The following EXOSC10 variants were observed in gnomAD, a reference collection of about 807,000 sequenced individuals.
The protein encoded by EXOSC10 is exosome component 10, also known as exosome complex component 10.
EXOSC10 carries 94 observed loss-of-function variants against 126.6 expected under a neutral mutation model. The observed-to-expected ratio is 0.74, with a 90% CI of 0.63 to 0.88. The LOEUF (loss-of-function observed/expected upper bound fraction) is 0.88. Ranked by LOEUF, EXOSC10 falls within the 40% of genes least tolerant of loss-of-function variation. The probability of loss-of-function intolerance (pLI) is 0.00; values close to 1 mark genes in which losing one functional copy is unlikely to be tolerated. For missense variants in EXOSC10, 1,041 were observed against 1,100.5 expected (o/e 0.95, Z 0.77); for synonymous variants, 395 against 400.8 (o/e 0.99, Z 0.17).
chr1:11,097,238 C>T (rs1368129361), intron 2 of EXOSC10, among the ~76,000 whole-genome samples: 1 of 150,740 alleles, frequency 6.6e-6, no homozygotes, highest in South Asian at 2.1e-4. Flanking sequence ...AAAAGCTGGT[C>T]GTGGTGGTGT....
At chr1:11,076,472 T>C (rs1388642847) in intron 17 of EXOSC10, among the ~76,000 whole-genome samples, 1 of 152,232 alleles carries the variant, frequency 6.6e-6, no homozygotes, top group Non-Finnish European at 1.5e-5. Context: ...CCACCCCTGC[T>C]GGGCATCCAG....
At chr1:11,080,410 T>A in intron 13 of EXOSC10, 89 bp downstream of exon 13, 1 of 1,500,188 alleles carries the variant, frequency 6.7e-7, no homozygotes. Flanking sequence ...GTAAGCAGCC[T>A]TGGGTAATAG....
chr1:11,078,264 C>CTTTTTT (rs1220119181), intron 14 of EXOSC10, among the ~76,000 whole-genome samples: 4 of 143,668 alleles, frequency 2.8e-5, no homozygotes, highest in African/African-American at 1.0e-4. Flanking sequence ...GACCCTGTTT[C>CTTTTTT]TTTTTTTTTT....
At chr1:11,071,142 C>CTG in intron 20 of EXOSC10, 169 bp from the exon 21 acceptor site, 1 of 605,446 alleles carries the variant, frequency 1.7e-6, no homozygotes, top group Non-Finnish European at 2.9e-6. Context: ...CCTCAGAGCT[C>CTG]AGGCTCAGGT....
rs950353998 is a variant in EXOSC10, at chr1:11,085,419, GCTCT to G, written c.1089+2025_1089+2028del. Among the ~76,000 whole-genome samples the G allele has an allele frequency of 4.6e-5, 7 of 151,922 alleles. 1 individual carries two copies. Among genetic ancestry groups the G allele is most frequent in the African/African-American group, 9.7e-5 (4 of 41,396 alleles). On this transcript the variant is annotated intron_variant, in intron 9 of 24. Transcript: ENST00000376936. ...TGAATGGGAGTTCACTCATGATTTG[GCTCT>G]CTGTTATTGGTGTATAAGAATGCTT...
chr1:11,088,273 C>T, intron 6 of EXOSC10, 75 bp from the exon 7 acceptor site: 1 of 1,074,448 alleles, frequency 9.3e-7, no homozygotes, highest in Non-Finnish European at 1.4e-6. Context: ...GCCTTTTATC[C>T]AATCTGTAAA....
In EXOSC10 at chr1:11,069,246, A is replaced by T. The variant is rs1194755; in HGVS notation, c.2488+313T>A. On this transcript the variant is annotated intron_variant, in intron 22 of 24. Transcript: ENST00000376936. ...AAAATTCTGTGTGTGTGTGTGTGTG[A>T]GAGAGAGAGAGAGGGTTTATGGGCA... Among the ~76,000 whole-genome samples, 115 of 32,394 alleles carry T rather than the reference A, an allele frequency of 3.6e-3. 1 individual carries two copies. Among genetic ancestry groups the T allele is most frequent in the Non-Finnish European group, 6.7e-3 (40 of 5,926 alleles). The allele number at this position is 32,394 out of a possible 152,430, so 21.3% of individuals were successfully genotyped here.
intron 14 of EXOSC10, among the ~76,000 whole-genome samples, chr1:11,078,009 A>T (rs1007849260): frequency 2.0e-5 from 3 of 152,172 alleles, no homozygotes; most frequent in Non-Finnish European, 4.4e-5. Flanking sequence ...CAGGTGGCTC[A>T]CAACTGTAAT....
chr1:11,070,932 C>G lies in EXOSC10; in HGVS notation c.2284G>C (p.Glu762Gln). 1 of 1,613,852 alleles carries G rather than the reference C, an allele frequency of 6.2e-7. No individual in the cohort carries two copies. The highest frequency in any genetic ancestry group is 8.5e-7 in the Non-Finnish European group (1 of 1,179,740). The change falls in exon 21 of 25, where the codon GAA (glutamate) becomes CAA (glutamine). Residue 762 changes from glutamate (E) to glutamine (Q), a missense_variant. Physicochemically the swap from Glu to Gln is conservative, Grantham distance 29 (BLOSUM62 2). This residue lies in a region of EXOSC10 where 388 missense variants were observed against 415.2 expected (regional missense o/e 0.93). Transcript: ENST00000376936. ...TGCTGTCGGACGGAGATGGCCTGTT[C>G]TGCTGCAGCTTTGCACGCCTCCTTT... is the stretch of plus-strand genomic sequence containing the variant. ...QAKEACKAAA[E>Q]QAISVRQQVV...
At chr1:11,093,762 C>T (rs1339808720) in intron 3 of EXOSC10, among the ~76,000 whole-genome samples, 1 of 152,106 alleles carries the variant, frequency 6.6e-6, no homozygotes, top group African/African-American at 2.4e-5. Flanking sequence ...TCTTTTGCAA[C>T]ACAAATAGAA....
intron 9 of EXOSC10, among the ~76,000 whole-genome samples, chr1:11,085,313 G>T (rs986612206): frequency 5.6e-4 from 85 of 152,126 alleles, no homozygotes; most frequent in Non-Finnish European, 1.0e-3. Flanking sequence ...TTGAGCAGTG[G>T]TTTGTAGTTC....
chr1:11,090,912 G>A, intron 5 of EXOSC10, 102 bp downstream of exon 5: 1 of 1,208,706 alleles, frequency 8.3e-7, no homozygotes, highest in South Asian at 1.4e-5. Context: ...AACAAAGGAG[G>A]GTGGGCTCCC....
intron 3 of EXOSC10, among the ~76,000 whole-genome samples, chr1:11,092,445 C>G (rs1217047506): frequency 6.6e-6 from 1 of 151,506 alleles, no homozygotes; most frequent in African/African-American, 2.4e-5. Flanking sequence ...GATCTCTTGA[C>G]CTTGTGAGCT....
chr1:11,074,196 C>A (rs750325040), intron 18 of EXOSC10, 35 bp downstream of exon 18: 1 of 1,530,558 alleles, frequency 6.5e-7, no homozygotes, highest in Non-Finnish European at 9.1e-7. Flanking sequence ...GGCATCTCTG[C>A]ATATCCTGTC....
rs369040494 is a variant in EXOSC10 at position 11,076,849 on chromosome 1, A to G, written c.1979T>C (p.Leu660Ser). 4.3e-6 allele frequency: 7 copies of G among 1,611,614 alleles called. No individual in the cohort carries two copies. In the African/African-American group the frequency reaches 9.3e-5, roughly 22 times the overall value. ...TCLIATAVIT[L>S]FNEPSAEDSK... ...AGTTTCTGTGCTACTCACATTAAAT[A>G]ACGTGATGACAGCTGTGGCAATCAG... Residue 660 changes from leucine to serine, a missense_variant, in exon 17 of 25, where the codon TTA becomes TCA. Leu to Ser is a moderately radical substitution (Grantham distance 145). Transcript: ENST00000376936.
chr1:11,095,018 C>T (rs1360471360), intron 3 of EXOSC10, among the ~76,000 whole-genome samples: 1 of 151,954 alleles, frequency 6.6e-6, no homozygotes, highest in African/African-American at 2.4e-5. Context: ...TTGAGACCAG[C>T]TTGGCTAATA....
intron 9 of EXOSC10, among the ~76,000 whole-genome samples, chr1:11,083,802 A>G (rs1640327665): frequency 6.7e-6 from 1 of 148,594 alleles, no homozygotes; most frequent in East Asian, 2.0e-4. Flanking sequence ...AACAGTCCCC[A>G]GAGTGTGATG....
chr1:11,089,969 C>T (rs72871407), intron 6 of EXOSC10, among the ~76,000 whole-genome samples: 15,760 of 150,710 alleles, frequency 0.1, 1,443 homozygotes, highest in African/African-American at 0.22. Context: ...CTACAAGAAG[C>T]CTGCATCTCT....
At chr1:11,099,526 G>C (rs1641311151) in intron 1 of EXOSC10, 195 bp downstream of exon 1, 1 of 537,558 alleles carries the variant, frequency 1.9e-6, no homozygotes, top group Non-Finnish European at 3.1e-6. Flanking sequence ...CTCGCAAGCG[G>C]GACGCCCCTC....
Sources: gnomAD v4.1 joint callset for allele counts (sites outside exome capture counted in the v4.1 genomes callset) on GRCh38, gnomAD v4.1.1 for gene constraint, gnomAD v4.1.1 regional missense constraint, MANE v1.5 for transcripts, NCBI Gene and HGNC (gene_info 2026-07-23, HGNC 2026-07-21) for gene names.